Variants in IGLL5 observed in about 807,000 individuals in gnomAD.
The protein encoded by IGLL5 is immunoglobulin lambda like polypeptide 5.
A neutral mutation model predicts 20.9 loss-of-function variants in IGLL5; 30 were observed. The observed-to-expected ratio is 1.44, with a 90% confidence interval of 1.07 to 1.95. The LOEUF (loss-of-function observed/expected upper bound fraction) is 1.95, where lower values mean the gene tolerates loss of function less well. Ranked by LOEUF, IGLL5 falls within the 30% of genes most tolerant of loss-of-function variation. IGLL5 has a pLI of 0.00. For synonymous variants in IGLL5, 203 were observed against 117.3 expected, an observed-to-expected ratio of 1.73 and a Z score of -4.72; for missense variants, 475 against 270.7, an observed-to-expected ratio of 1.75 and a Z score of -5.30.
chr22:22,891,903 C>A (rs1456123159), intron 1 of IGLL5, among the ~76,000 whole-genome samples: 1 of 150,948 alleles, frequency 6.6e-6, no homozygotes, highest in Non-Finnish European at 1.5e-5. Context: ...AGCTGATTCT[C>A]CGTGTGTGTG....
In IGLL5 at chr22:22,888,239, C is replaced by A. The variant is rs554734650; in HGVS notation, c.186C>A (p.Ser62Arg). The A allele has an allele frequency of 1.3e-6, 2 of 1,547,782 alleles. No homozygotes were observed. Among genetic ancestry groups the A allele is most frequent in the South Asian group, 1.2e-5 (1 of 83,920 alleles). Residue 62 changes from serine to arginine, a missense_variant, in exon 1 of 3, where the codon AGC (serine) becomes AGA (arginine). By Grantham distance (110) the Ser-to-Arg change is moderately radical (BLOSUM62 -1). Coordinates refer to ENST00000526893, the MANE Select transcript of IGLL5 (RefSeq NM_001178126.2). ...PGASVGSSRS[S>R]LRSLWGRLLL... ...CCTCAGTTGGAAGCAGCCGATCCAG[C>A]CTGCGGAGCCTGTGGGGCAGGTAAG...
chr22:22,894,156 A>C (rs1601624056), intron 2 of IGLL5, among the ~76,000 whole-genome samples: 3 of 151,156 alleles, frequency 2.0e-5, no homozygotes, highest in Admixed American at 1.3e-4. Context: ...TTGCCCAGTG[A>C]CTCCTGGGGT....
intron 1 of IGLL5, among the ~76,000 whole-genome samples, chr22:22,891,785 T>G (rs1455857249): frequency 6.6e-6 from 1 of 151,282 alleles, no homozygotes; most frequent in Non-Finnish European, 1.5e-5. Flanking sequence ...TTTCACAATT[T>G]TATATCGTAA....
intron 2 of IGLL5, among the ~76,000 whole-genome samples, chr22:22,894,689 G>A (rs778095115): frequency 2.0e-5 from 3 of 151,454 alleles, no homozygotes; most frequent in South Asian, 2.1e-4. Context: ...CCTGGGGGCT[G>A]CTGAGTCTCA....
rs573017505 is a variant in IGLL5, at chr22:22,888,095, G to A, written c.42G>A (p.Glu14=). Residue 14 remains glutamate (E), a synonymous_variant, in exon 1 of 3, where the codon GAG becomes GAA. Transcript: ENST00000526893. ...KTGQVGCETP[E]ELGPGPRQRW... ...GCCAAGTGGGTTGTGAGACCCCTGAGGAGCTGGGCCCTGGTCCCAGGCAGC... is the reference window on the plus strand; with the variant it reads ...GCCAAGTGGGTTGTGAGACCCCTGAAGAGCTGGGCCCTGGTCCCAGGCAGC... 4 of 1,549,430 alleles carry A rather than the reference G, an allele frequency of 2.6e-6. No homozygotes were observed. The highest frequency in any genetic ancestry group is 1.4e-5 in the African/African-American group (1 of 72,930).
At chr22:22,894,082 C>T (rs2067978883) in intron 2 of IGLL5, among the ~76,000 whole-genome samples, 2 of 151,496 alleles carry the variant, frequency 1.3e-5, no homozygotes, top group East Asian at 2.0e-4. Context: ...TCTTCCAGGG[C>T]AGATGTCTGA....
intron 2 of IGLL5, among the ~76,000 whole-genome samples, chr22:22,894,266 T>A (rs1430482069): frequency 4.0e-5 from 6 of 150,354 alleles, no homozygotes; most frequent in East Asian, 2.1e-4. Flanking sequence ...GAGGACTGGA[T>A]GCCAATCCAG....
chr22:22,888,028 A>G lies in IGLL5; in HGVS notation c.-26A>G. On this transcript the variant is annotated 5_prime_UTR_variant, in exon 1 of 3. Coordinates refer to ENST00000526893, the MANE Select transcript of IGLL5 (RefSeq NM_001178126.2). ...GGGAGCCCATGCTGCAAGTCGGGCC[A>G]GAGGTGCCCCTGAACCTGAAGGCCA... 6.5e-7 allele frequency: 1 copy of G among 1,542,542 alleles called. No homozygotes were observed. Among genetic ancestry groups the G allele is most frequent in the Non-Finnish European group, 8.8e-7 (1 of 1,140,464 alleles).
chr22:22,894,110 G>A (rs1448951987), intron 2 of IGLL5, among the ~76,000 whole-genome samples: 18 of 151,306 alleles, frequency 1.2e-4, no homozygotes, highest in Middle Eastern at 3.8e-3. Context: ...ACAGAGGCTG[G>A]TTCTGATGAG....
chr22:22,889,638 A>C (rs2067741676), intron 1 of IGLL5, among the ~76,000 whole-genome samples: 1 of 151,302 alleles, frequency 6.6e-6, no homozygotes, highest in Admixed American at 6.6e-5. Context: ...CTCAGGCTGG[A>C]GTACAGTGGC....
Position 22,893,919 on chromosome 22 carries a change from T to G in IGLL5, c.325+101T>G, listed in dbSNP as rs556352173. 8 of 845,686 alleles carry G rather than the reference T, an allele frequency of 9.5e-6. 1 individual carries two copies. The highest frequency in any genetic ancestry group is 3.6e-5 in the Admixed American group (2 of 55,620). 52.4% of individuals were successfully genotyped at this position (845,686 alleles called of 1,614,324 possible). ...CTTCCTCCCCTCTGTCCTCCCAGCC[T>G]TAAGCACTGACCCTTACCTTTCTCC... On this transcript the variant is annotated intron_variant, in intron 2 of 2. Transcript: ENST00000526893.
chr22:22,893,649 T>C (rs1569085996), intron 1 of IGLL5, 51 bp from the exon 2 acceptor site: 2 of 1,204,336 alleles, frequency 1.7e-6, no homozygotes, highest in South Asian at 2.7e-5. Context: ...CTGCCTCATG[T>C]CTAGGTCCCA....
At chr22:22,893,396 C>T (rs1187710718) in intron 1 of IGLL5, among the ~76,000 whole-genome samples, 3 of 151,030 alleles carry the variant, frequency 2.0e-5, no homozygotes, top group Admixed American at 6.6e-5. Context: ...ACTCAGAGGC[C>T]CTTTAAATGA....
At chr22:22,894,061 G>T in intron 2 of IGLL5, among the ~76,000 whole-genome samples, 1 of 151,506 alleles carries the variant, frequency 6.6e-6, no homozygotes, top group South Asian at 2.1e-4. Flanking sequence ...GCAGGGTCAG[G>T]GCTCCTCCTC....
At chr22:22,888,493 C>A (rs113593026) in intron 1 of IGLL5, among the ~76,000 whole-genome samples, 1 of 151,408 alleles carries the variant, frequency 6.6e-6, no homozygotes, top group African/African-American at 2.4e-5. Flanking sequence ...TTTTCTGGCG[C>A]CACTTAAATT....
At position 22,888,099 on chromosome 22, in the gene IGLL5, C is replaced by G. The variant is rs564743210; in HGVS notation, c.46C>G (p.Leu16Val). The stretch of plus-strand genomic sequence containing the variant: ...AGTGGGTTGTGAGACCCCTGAGGAG[C>G]TGGGCCCTGGTCCCAGGCAGCGCTG... Reference protein sequence around the residue: ...GQVGCETPEELGPGPRQRWPL... With the variant: ...GQVGCETPEEVGPGPRQRWPL... Residue 16 changes from leucine (L) to valine (V), a missense_variant, in exon 1 of 3, where the codon CTG becomes GTG. Transcript: ENST00000526893. 11 of 1,549,362 alleles carry G rather than the reference C, an allele frequency of 7.1e-6. No individual in the cohort carries two copies. The highest frequency in any genetic ancestry group is 5.9e-5 in the Admixed American group (3 of 50,824).
intron 1 of IGLL5, among the ~76,000 whole-genome samples, chr22:22,888,846 G>T (rs1601604464): frequency 6.6e-6 from 1 of 151,458 alleles, no homozygotes; most frequent in African/African-American, 2.4e-5. Flanking sequence ...GCCCATGTTT[G>T]GAGCAATAAA....
chr22:22,888,290 G>A (rs1291471006), intron 1 of IGLL5, 31 bp downstream of exon 1: 63 of 1,539,978 alleles, frequency 4.1e-5, no homozygotes, highest in Non-Finnish European at 5.4e-5. Context: ...GGGGATGTGG[G>A]GGTCCTGCAG....
At chr22:22,888,763 G>A (rs2067643874) in intron 1 of IGLL5, among the ~76,000 whole-genome samples, 1 of 151,316 alleles carries the variant, frequency 6.6e-6, no homozygotes, top group East Asian at 2.0e-4. Flanking sequence ...ATGCTTACTG[G>A]GGCCAGGCTC....
Sources: allele counts gnomAD v4.1 joint callset (sites outside exome capture counted in the v4.1 genomes callset), GRCh38; gene constraint gnomAD v4.1.1; transcripts MANE v1.5; gene names NCBI Gene and HGNC (gene_info 2026-07-23, HGNC 2026-07-21).